PDE4D: variants seen among roughly 807,000 people sequenced by gnomAD.
PDE4D encodes the protein phosphodiesterase 4D, also known as 3',5'-cyclic-AMP phosphodiesterase 4D.
A neutral mutation model predicts 87.4 loss-of-function variants in PDE4D; 24 were observed. The ratio of observed to expected loss-of-function variants is 0.27; its 90% CI spans 0.20 to 0.39. The LOEUF (loss-of-function observed/expected upper bound fraction) is 0.39. PDE4D is among the 10% of genes least tolerant of loss of function. PDE4D has a pLI of 1.00. For missense variants in PDE4D, 714 were observed against 1,041.0 expected (o/e 0.69, Z 4.32); for synonymous variants, 384 against 383.2 (o/e 1.00, Z -0.02).
chr5:59,945,706 G>T (rs907550684), intron 3 of PDE4D, among the ~76,000 whole-genome samples: 4 of 152,162 alleles, frequency 2.6e-5, no homozygotes, highest in Admixed American at 6.5e-5. Context: ...CCATCTTGCT[G>T]GTGAGAACCA....
chr5:59,302,609 A>G (rs1428903811), intron 1 of PDE4D, among the ~76,000 whole-genome samples: 1 of 151,604 alleles, frequency 6.6e-6, no homozygotes, highest in Admixed American at 6.6e-5. Context: ...GATCCCACAT[A>G]TCAGTGAGAA....
intron 1 of PDE4D, among the ~76,000 whole-genome samples, chr5:59,576,552 A>T (rs1427406700): frequency 1.3e-5 from 2 of 152,174 alleles, no homozygotes; most frequent in Admixed American, 1.3e-4. Context: ...GAAAAAATTT[A>T]AAAAGTACCT....
chr5:58,988,748 A>G (rs911009788), intron 10 of PDE4D, among the ~76,000 whole-genome samples, 156 bp from the exon 11 acceptor site: 11 of 152,220 alleles, frequency 7.2e-5, no homozygotes, highest in African/African-American at 2.4e-4. Context: ...ATACTTGTGA[A>G]CTTTTAAAGT....
chr5:59,911,768 T>C (rs1389321585), intron 3 of PDE4D, among the ~76,000 whole-genome samples: 1 of 152,156 alleles, frequency 6.6e-6, no homozygotes, highest in Non-Finnish European at 1.5e-5. Flanking sequence ...GGACAATAAC[T>C]GATAAACTAT....
At chr5:59,155,104 C>G (rs926035645) in intron 5 of PDE4D, among the ~76,000 whole-genome samples, 3 of 152,122 alleles carry the variant, frequency 2.0e-5, no homozygotes, top group Non-Finnish European at 2.9e-5. Flanking sequence ...GAAGTGCCTA[C>G]TCTGAGTAGA....
intron 5 of PDE4D, among the ~76,000 whole-genome samples, chr5:59,041,339 C>T (rs367932309): frequency 1.1e-4 from 17 of 152,302 alleles, no homozygotes; most frequent in African/African-American, 3.8e-4. Context: ...ACAATACTTT[C>T]GCCTATGGCT....
intron 5 of PDE4D, among the ~76,000 whole-genome samples, chr5:59,071,043 A>G (rs939445140): frequency 6.6e-6 from 1 of 152,198 alleles, no homozygotes; most frequent in African/African-American, 2.4e-5. Flanking sequence ...CACCTCAGAA[A>G]TAATCTTTAT....
At chr5:59,981,012 G>A (rs1052136619) in intron 3 of PDE4D, among the ~76,000 whole-genome samples, 2 of 152,158 alleles carry the variant, frequency 1.3e-5, no homozygotes, top group Non-Finnish European at 2.9e-5. Flanking sequence ...AGCACTTTGG[G>A]AGGCTGAGGC....
intron 1 of PDE4D, among the ~76,000 whole-genome samples, chr5:60,192,525 A>G (rs1258515076): frequency 2.0e-5 from 3 of 152,210 alleles, no homozygotes; most frequent in African/African-American, 7.2e-5. Context: ...TAGATGTCAA[A>G]TAGTAAAGGA....
chr5:59,762,152 G>C (rs1031979270), intron 1 of PDE4D, among the ~76,000 whole-genome samples: 10 of 151,748 alleles, frequency 6.6e-5, no homozygotes, highest in Admixed American at 5.9e-4. Flanking sequence ...ATATATGTGT[G>C]TGTGTGTATA....
intron 1 of PDE4D, among the ~76,000 whole-genome samples, chr5:59,407,630 T>C (rs1329183879): frequency 6.6e-6 from 1 of 152,184 alleles, no homozygotes; most frequent in Non-Finnish European, 1.5e-5. Flanking sequence ...ACCAAAATGC[T>C]GATAGTGATC....
chr5:59,431,820 T>C (rs908918844), intron 1 of PDE4D, among the ~76,000 whole-genome samples: 4 of 152,054 alleles, frequency 2.6e-5, no homozygotes, highest in Non-Finnish European at 5.9e-5. Context: ...TCTGTGTCCT[T>C]CCTTGTGTTC....
intron 1 of PDE4D, among the ~76,000 whole-genome samples, chr5:59,849,656 G>T (rs1032764742): frequency 2.0e-5 from 3 of 151,738 alleles, no homozygotes; most frequent in African/African-American, 7.2e-5. Context: ...ATCATACATG[G>T]ACAAAAGAGA....
rs190427635 is a variant in PDE4D at position 60,305,586 on chromosome 5, C to T, written c.-89-119899G>A. 4.4e-3 allele frequency among the ~76,000 whole-genome samples: 664 copies of T among 151,478 alleles called. 4 individuals carry two copies. Among genetic ancestry groups the T allele is most frequent in the African/African-American group, 0.016 (648 of 41,324 alleles). On this transcript the variant is annotated intron_variant, in intron 1 of 16. Coordinates refer to the PDE4D transcript ENST00000502484. ...GATCTCAGGAAAATGGGTGACATGG[C>T]TCCAGGAAAAAAATAAATCAGTAAA... is the stretch of plus-strand genomic sequence containing the variant.
Position 58,974,831 on chromosome 5 carries a change from G to C in PDE4D, c.2263C>G (p.Gln755Glu). The C allele has an allele frequency of 6.2e-7, 1 of 1,613,420 alleles. No individual in the cohort carries two copies. Among genetic ancestry groups the C allele is most frequent in the Non-Finnish European group, 8.5e-7 (1 of 1,179,602 alleles). The stretch of plus-strand genomic sequence containing the variant: ...CTGCAGCTAGTGTCTTCTTCCACTT[G>C]ACTGCCACTGTCCTTTTCCGTGTCT... ...ESDTEKDSGS[Q>E]VEEDTSCSDS... The change falls in exon 15 of 15, where the codon CAA (glutamine) becomes GAA (glutamate). Residue 755 changes from glutamine to glutamate, a missense_variant. Gln to Glu is a conservative substitution (Grantham distance 29). Coordinates refer to ENST00000340635, the MANE Select transcript of PDE4D (RefSeq NM_001104631.2).
intron 1 of PDE4D, among the ~76,000 whole-genome samples, chr5:60,419,005 AC>A (rs1383812938): frequency 2.0e-5 from 3 of 152,172 alleles, no homozygotes; most frequent in Non-Finnish European, 2.9e-5. Context: ...TGCAGGTAAA[AC>A]AAAAAAGTCA....
intron 3 of PDE4D, among the ~76,000 whole-genome samples, chr5:59,980,251 T>C (rs531693941): frequency 7.9e-4 from 120 of 152,354 alleles, no homozygotes; most frequent in African/African-American, 2.7e-3. Flanking sequence ...GGGCAGTGTT[T>C]GTTGCAAAGA....
chr5:59,286,594 C>G (rs1280564232), intron 1 of PDE4D, among the ~76,000 whole-genome samples: 1 of 152,108 alleles, frequency 6.6e-6, no homozygotes, highest in Non-Finnish European at 1.5e-5. Context: ...AAAAGTTAGT[C>G]ACTGTTTTTA....
At chr5:60,027,121 C>A (rs968695771) in intron 2 of PDE4D, among the ~76,000 whole-genome samples, 1 of 152,012 alleles carries the variant, frequency 6.6e-6, no homozygotes, top group African/African-American at 2.4e-5. Flanking sequence ...AGGTTTGTTA[C>A]ATGGATATGT....
Sources: allele counts gnomAD v4.1 joint callset (sites outside exome capture counted in the v4.1 genomes callset), GRCh38; gene constraint gnomAD v4.1.1; transcripts MANE v1.5; gene names NCBI Gene and HGNC (gene_info 2026-07-23, HGNC 2026-07-21).